DPRX: variants seen among roughly 807,000 people sequenced by gnomAD.
DPRX encodes the protein divergent-paired related homeobox.
In DPRX, 11 loss-of-function variants were observed where a neutral mutation model predicts 8.4. The ratio of observed to expected loss-of-function variants is 1.31; its 90% CI spans 0.82 to 2.17. The LOEUF (loss-of-function observed/expected upper bound fraction) is 2.17, where lower values mean the gene tolerates loss of function less well. DPRX is among the 30% of genes most tolerant of loss of function. The probability of loss-of-function intolerance (pLI) is 0.00; values close to 1 mark genes in which losing one functional copy is unlikely to be tolerated. For synonymous variants in DPRX, 72 were observed against 87.0 expected (o/e 0.83, Z 0.96); for missense variants, 211 against 236.7 (o/e 0.89, Z 0.71).
the DPRX span, among the ~76,000 whole-genome samples, chr19:53,623,875 A>G: frequency 6.7e-6 from 1 of 148,806 alleles, no homozygotes; most frequent in Non-Finnish European, 1.5e-5. Flanking sequence ...TCTTGAACCC[A>G]GGAGGCAGGG....
At chr19:53,620,849 C>T in the DPRX span, among the ~76,000 whole-genome samples, 12 of 152,272 alleles carry the variant, frequency 7.9e-5, no homozygotes, top group South Asian at 2.1e-4. Flanking sequence ...TTGCCTCAGC[C>T]GCCCAAAGTG....
upstream of DPRX, among the ~76,000 whole-genome samples, chr19:53,628,482 A>G (rs1387700699): frequency 1.3e-5 from 2 of 152,202 alleles, no homozygotes; most frequent in Non-Finnish European, 2.9e-5. Context: ...AACTGTGGTG[A>G]CATACGAATA....
At chr19:53,626,040 G>T in the DPRX span, among the ~76,000 whole-genome samples, 1 of 151,994 alleles carries the variant, frequency 6.6e-6, no homozygotes, top group Non-Finnish European at 1.5e-5. Context: ...AGGCTCAAGT[G>T]GTCCTCCCAC....
the DPRX span, among the ~76,000 whole-genome samples, chr19:53,611,298 C>T: frequency 2.0e-5 from 3 of 151,986 alleles, no homozygotes; most frequent in Admixed American, 6.6e-5. Context: ...GACATGGTCT[C>T]GCTGTGTCAC....
the DPRX span, among the ~76,000 whole-genome samples, chr19:53,626,239 C>T: frequency 2.6e-5 from 4 of 151,968 alleles, no homozygotes; most frequent in African/African-American, 9.7e-5. Context: ...TGACTGGCCC[C>T]AGCTAATTTT....
chr19:53,616,771 T>C, the DPRX span: 1 of 1,516,314 alleles, frequency 6.6e-7, no homozygotes, highest in Non-Finnish European at 9.0e-7. Flanking sequence ...TAAGAAAAAA[T>C]AGAGGCCGAG....
At chr19:53,623,682 G>A in the DPRX span, among the ~76,000 whole-genome samples, 8 of 151,398 alleles carry the variant, frequency 5.3e-5, no homozygotes, top group South Asian at 2.1e-4. Context: ...AATGGCTCAC[G>A]CCTGTAATCC....
the DPRX span, among the ~76,000 whole-genome samples, chr19:53,609,746 AG>A: frequency 0.44 from 66,315 of 151,184 alleles, 14,851 homozygotes; most frequent in African/African-American, 0.52. Flanking sequence ...GCACTTTGGG[AG>A]GCCAAGGCGG....
At chr19:53,629,348 C>T (rs970631984), upstream of DPRX, among the ~76,000 whole-genome samples, 11 of 150,002 alleles carry the variant, frequency 7.3e-5, no homozygotes, top group South Asian at 4.2e-4. Flanking sequence ...AATGAGATAC[C>T]GACACATTAT....
At chr19:53,620,193 C>T in the DPRX span, among the ~76,000 whole-genome samples, 2 of 152,016 alleles carry the variant, frequency 1.3e-5, no homozygotes, top group Non-Finnish European at 2.9e-5. Flanking sequence ...CCTCAGCCTC[C>T]CCAGTAGCTG....
the DPRX span, among the ~76,000 whole-genome samples, chr19:53,626,258 T>C: frequency 6.6e-6 from 1 of 151,914 alleles, no homozygotes; most frequent in Admixed American, 6.6e-5. Context: ...TTTGTATTTT[T>C]AGTAGAGATG....
the DPRX span, chr19:53,606,975 C>A: frequency 6.5e-6 from 1 of 153,058 alleles, no homozygotes; most frequent in Non-Finnish European, 1.5e-5. The surrounding 1 kb of genome is among the most constrained non-coding windows in gnomAD (Gnocchi z 4.8). Flanking sequence ...CCCACAAATG[C>A]AAAGAAACAC....
At chr19:53,609,383 G>A in the DPRX span, among the ~76,000 whole-genome samples, 17 of 144,290 alleles carry the variant, frequency 1.2e-4, no homozygotes, top group South Asian at 2.3e-4. Flanking sequence ...CAGGAGAAGC[G>A]CTTGAACCTG....
the DPRX span, chr19:53,602,304 G>C: frequency 1.6e-5 from 5 of 318,030 alleles, no homozygotes; most frequent in African/African-American, 1.1e-4. Context: ...GTGTGTGTGT[G>C]TGTGTGTGCC....
At chr19:53,606,646 G>A in the DPRX span, 2 of 148,342 alleles carry the variant, frequency 1.3e-5, no homozygotes, top group African/African-American at 5.2e-5. The surrounding 1 kb of genome is among the most constrained non-coding windows in gnomAD (Gnocchi z 4.8). Context: ...GGTGAGGGTG[G>A]AGGCGGTGAG....
At chr19:53,611,055 C>T in the DPRX span, among the ~76,000 whole-genome samples, 17 of 152,004 alleles carry the variant, frequency 1.1e-4, no homozygotes, top group South Asian at 2.1e-4. Flanking sequence ...GCAACCAACA[C>T]CATGCCTGAC....
At chr19:53,624,574 AG>A in the DPRX span, among the ~76,000 whole-genome samples, 1 of 151,828 alleles carries the variant, frequency 6.6e-6, no homozygotes, top group East Asian at 2.0e-4. Context: ...CACTGTGCCC[AG>A]CCTTTTGTTT....
chr19:53,601,191 A>G, the DPRX span: 1 of 454,126 alleles, frequency 2.2e-6, no homozygotes, highest in South Asian at 1.6e-5. Flanking sequence ...TGAGACAGCT[A>G]TAGGGAAAGG....
exon 3 of DPRX, chr19:53,636,748 C>G: frequency 6.2e-7 from 1 of 1,614,194 alleles, no homozygotes; most frequent in Non-Finnish European, 8.5e-7. Context: ...GATTGCCCAA[C>G]GCTGCTCACC....
Sources: allele counts gnomAD v4.1 joint callset (sites outside exome capture counted in the v4.1 genomes callset), GRCh38; gene constraint gnomAD v4.1.1; non-coding constraint Gnocchi (gnomAD v3.1); transcripts MANE v1.5; gene names NCBI Gene and HGNC (gene_info 2026-07-23, HGNC 2026-07-21).